The following LCORL variants were observed in gnomAD, a reference collection of about 807,000 sequenced individuals.
LCORL encodes ligand-dependent nuclear receptor corepressor-like protein.
LCORL carries 41 observed loss-of-function variants against 141.8 expected under a neutral mutation model. That is an observed-to-expected ratio of 0.29 (90% CI 0.23 to 0.38). The LOEUF is 0.38. Ranked by LOEUF, LCORL falls within the 10% of genes least tolerant of loss-of-function variation. LCORL has a pLI of 1.00. For missense variants in LCORL, 1,759 were observed against 2,035.0 expected, an observed-to-expected ratio of 0.86 and a Z score of 2.61; for synonymous variants, 618 against 694.1, an observed-to-expected ratio of 0.89 and a Z score of 1.72.
intron 2 of LCORL, among the ~76,000 whole-genome samples, chr4:17,965,424 C>G (rs1195807182): frequency 6.6e-6 from 1 of 151,986 alleles, no homozygotes; most frequent in East Asian, 1.9e-4. Context: ...TCTCAAACAA[C>G]GAATAAGATA....
exon 7 of LCORL, chr4:17,877,488 G>C (rs1234059709): frequency 2.4e-6 from 3 of 1,229,950 alleles, no homozygotes; most frequent in East Asian, 3.2e-5. Context: ...AGAGTTACTG[G>C]ATTTTTTAGT....
chr4:17,915,615 A>G (rs1342333426), intron 4 of LCORL, among the ~76,000 whole-genome samples: 1 of 152,210 alleles, frequency 6.6e-6, no homozygotes, highest in Non-Finnish European at 1.5e-5. Flanking sequence ...AGCCTTTAAG[A>G]AGGCTGCAGA....
At chr4:17,956,255 C>T (rs540953584) in intron 4 of LCORL, among the ~76,000 whole-genome samples, 7 of 152,132 alleles carry the variant, frequency 4.6e-5, no homozygotes, top group East Asian at 3.9e-4. Context: ...GCGGAGGTTT[C>T]GCAAGAAACT....
chr4:17,971,344 TAAC>T (rs1715889451), intron 2 of LCORL, among the ~76,000 whole-genome samples: 1 of 151,956 alleles, frequency 6.6e-6, no homozygotes, highest in Non-Finnish European at 1.5e-5. Context: ...TTCTTCAGTC[TAAC>T]AATTCTTCCA....
chr4:17,868,349 G>T (rs150093657), intron 7 of LCORL, among the ~76,000 whole-genome samples: 7 of 151,992 alleles, frequency 4.6e-5, no homozygotes, highest in African/African-American at 7.2e-5. Flanking sequence ...TCGATTCAAA[G>T]TGTCAACTGA....
chr4:17,894,275 T>C (rs1204321823), intron 5 of LCORL, among the ~76,000 whole-genome samples: 2 of 152,320 alleles, frequency 1.3e-5, no homozygotes, highest in East Asian at 3.9e-4. Flanking sequence ...ATCTGCACTA[T>C]TTTCCTGTGG....
intron 4 of LCORL, among the ~76,000 whole-genome samples, chr4:17,911,257 C>A (rs1221864251): frequency 7.9e-5 from 12 of 152,026 alleles, no homozygotes; most frequent in African/African-American, 2.9e-4. Flanking sequence ...AGGCTGAGCA[C>A]TTATATTTTA....
At chr4:17,923,072 C>G (rs897656089) in intron 4 of LCORL, among the ~76,000 whole-genome samples, 28 of 152,166 alleles carry the variant, frequency 1.8e-4, no homozygotes, top group African/African-American at 6.8e-4. Context: ...CCGGCAGGCC[C>G]CTAGAGGTGA....
At chr4:17,877,008 G>T in exon 7 of LCORL, 1 of 1,230,582 alleles carries the variant, frequency 8.1e-7, no homozygotes, top group Middle Eastern at 3.1e-4. Context: ...GTCTGATGAA[G>T]ATATCTCATT....
chr4:17,943,506 A>T (rs1180452181), intron 4 of LCORL, among the ~76,000 whole-genome samples: 2 of 152,204 alleles, frequency 1.3e-5, no homozygotes, highest in Non-Finnish European at 2.9e-5. Flanking sequence ...GAGAAAAATG[A>T]TTTTTCTTCT....
chr4:17,872,199 A>G (rs927737885), intron 7 of LCORL, among the ~76,000 whole-genome samples: 18 of 152,186 alleles, frequency 1.2e-4, no homozygotes, highest in Admixed American at 9.2e-4. Flanking sequence ...CAAGTAATCA[A>G]TAAGTACTTC....
At chr4:17,945,738 A>G (rs1188245592) in intron 4 of LCORL, among the ~76,000 whole-genome samples, 1 of 151,888 alleles carries the variant, frequency 6.6e-6, no homozygotes, top group African/African-American at 2.4e-5. Flanking sequence ...AGAATTCTGG[A>G]TTAGAGTTTT....
intron 4 of LCORL, among the ~76,000 whole-genome samples, chr4:17,944,136 C>G (rs1366083845): frequency 1.3e-5 from 2 of 152,158 alleles, no homozygotes; most frequent in African/African-American, 4.8e-5. Context: ...CTTGTTAAAG[C>G]AGAAGTCTGA....
intron 4 of LCORL, among the ~76,000 whole-genome samples, chr4:17,942,329 T>C (rs950059311): frequency 1.3e-5 from 2 of 152,046 alleles, no homozygotes; most frequent in East Asian, 3.9e-4. Flanking sequence ...CCATGCAAAA[T>C]ATCTAAATGC....
intron 4 of LCORL, among the ~76,000 whole-genome samples, chr4:17,955,739 A>G (rs1431020797): frequency 1.3e-5 from 2 of 152,140 alleles, no homozygotes; most frequent in Non-Finnish European, 2.9e-5. Context: ...GTGTAGTAAA[A>G]GAGAACTGAA....
intron 4 of LCORL, among the ~76,000 whole-genome samples, chr4:17,956,514 T>C (rs1712670889): frequency 6.6e-6 from 1 of 152,088 alleles, no homozygotes. Context: ...TGGATGGAAC[T>C]GGACAGCCAT....
Position 17,859,146 on chromosome 4 carries a change from A to T in LCORL, c.5603-13245T>A, listed in dbSNP as rs144636812. 4.2e-3 allele frequency among the ~76,000 whole-genome samples: 643 copies of T among 152,300 alleles called. 4 individuals carry two copies. The highest frequency in any genetic ancestry group is 0.015 in the African/African-American group (621 of 41,556). The stretch of plus-strand genomic sequence containing the variant: ...TTGTTTTTCAATGTCAGTATTCCGT[A>T]AGTTACATGAGATAGTCAACATTTT... On this transcript the variant is annotated intron_variant, in intron 7 of 7. Coordinates refer to ENST00000635767, the Ensembl canonical transcript of LCORL.
Position 17,948,954 on chromosome 4 carries a change from G to A in LCORL, c.430+12949C>T, listed in dbSNP as rs141115271. Among the ~76,000 whole-genome samples, 39 of 152,090 alleles carry A rather than the reference G, an allele frequency of 2.6e-4. 1 individual carries two copies. In the South Asian group the frequency reaches 3.5e-3, roughly 14 times the overall value. On this transcript the variant is annotated intron_variant, in intron 4 of 7. Transcript: ENST00000635767. ...TCAAATACTGTAGGGTCTAAGCAGCGTAAGGGCTGAGAATATGTCCTTGTT... is the reference window on the plus strand; with the variant it reads ...TCAAATACTGTAGGGTCTAAGCAGCATAAGGGCTGAGAATATGTCCTTGTT...
chr4:18,021,516 T>A lies in LCORL; in HGVS notation c.154+82A>T. 2 of 1,266,096 alleles carry A rather than the reference T, an allele frequency of 1.6e-6. No individual in the cohort carries two copies. Among genetic ancestry groups the A allele is most frequent in the Non-Finnish European group, 2.1e-6 (2 of 938,886 alleles). The allele number at this position is 1,266,096 out of a possible 1,614,324, so 78.4% of individuals were successfully genotyped here. On this transcript the variant is annotated intron_variant, in intron 1 of 7. Coordinates refer to ENST00000635767, the Ensembl canonical transcript of LCORL. The surrounding 1 kb of genome is among the most constrained non-coding windows in gnomAD (Gnocchi z 5.5). ...AACTAACCCGAACGGGAGATTCAAC[T>A]AAACCCCTCAGCCACAAACTCCTCG...
Sources: gnomAD v4.1 joint callset for allele counts (sites outside exome capture counted in the v4.1 genomes callset) on GRCh38, gnomAD v4.1.1 for gene constraint, Gnocchi (gnomAD v3.1) non-coding constraint, MANE v1.5 for transcripts, NCBI Gene and HGNC (gene_info 2026-07-23, HGNC 2026-07-21) for gene names.